RAB31: variants seen among roughly 807,000 people sequenced by gnomAD.
RAB31 encodes the protein RAB31, member RAS oncogene family, also known as ras-related protein Rab-31.
Under a neutral mutation model 25.6 loss-of-function variants are expected in RAB31, and 21 were observed. That is an observed-to-expected ratio of 0.82 (90% CI 0.58 to 1.18). RAB31 has a LOEUF of 1.18. Among genes scored for constraint, RAB31 ranks in the 50% most tolerant of loss-of-function variants. The pLI, the probability that RAB31 is intolerant of heterozygous loss-of-function variation, is 0.00. For synonymous variants in RAB31, 87 were observed against 84.0 expected (o/e 1.04, Z -0.20); for missense variants, 196 against 250.1 (o/e 0.78, Z 1.46).
intron 5 of RAB31, among the ~76,000 whole-genome samples, chr18:9,844,285 T>C (rs925531658): frequency 1.2e-4 from 18 of 152,274 alleles, no homozygotes; most frequent in African/African-American, 4.3e-4. Context: ...GCCCGTGTCA[T>C]TCATTTGCAA....
chr18:9,738,262 G>A (rs183250749), intron 1 of RAB31, among the ~76,000 whole-genome samples: 10 of 152,316 alleles, frequency 6.6e-5, no homozygotes, highest in Admixed American at 5.2e-4. Context: ...AATCTCTGGA[G>A]CAAAGAGTAT....
At chr18:9,724,359 T>C (rs912546385) in intron 1 of RAB31, among the ~76,000 whole-genome samples, 23 of 151,886 alleles carry the variant, frequency 1.5e-4, no homozygotes, top group African/African-American at 5.3e-4. Flanking sequence ...CTACTGTTAA[T>C]GAGAATTGCA....
chr18:9,777,124 A>C (rs899842814), intron 2 of RAB31, among the ~76,000 whole-genome samples: 10 of 152,006 alleles, frequency 6.6e-5, no homozygotes, highest in African/African-American at 2.2e-4. Context: ...GGCAGATCAC[A>C]TGAGGTCAGG....
rs575079376 is a variant in RAB31, at chr18:9,768,881, A to G, written c.40-6397A>G. ...TGAGTTAACTTTTGTATAAGGTGTA[A>G]GGAAGGGGTCCAGTTTCAGTTTTCT... On this transcript the variant is annotated intron_variant, in intron 1 of 6. Transcript: ENST00000578921. Among the ~76,000 whole-genome samples, 9 of 152,314 alleles carry G rather than the reference A, an allele frequency of 5.9e-5. No individual in the cohort carries two copies. The East Asian group carries it at 1.7e-3, about 29-fold the overall frequency.
chr18:9,723,579 T>C (rs1457771101), intron 1 of RAB31: 1 of 152,172 alleles, frequency 6.6e-6, no homozygotes, highest in Non-Finnish European at 1.5e-5. Context: ...CTGGGTAATA[T>C]ATAAAGAAAT....
intron 1 of RAB31, among the ~76,000 whole-genome samples, chr18:9,718,400 C>G (rs766716936): frequency 1.3e-5 from 2 of 152,078 alleles, no homozygotes; most frequent in Non-Finnish European, 2.9e-5. Context: ...GCTGGGATTA[C>G]AGGCATGCGC....
At chr18:9,733,566 G>T (rs745373112) in intron 1 of RAB31, among the ~76,000 whole-genome samples, 1 of 152,170 alleles carries the variant, frequency 6.6e-6, no homozygotes, top group African/African-American at 2.4e-5. Flanking sequence ...ATTCTCATTC[G>T]TATTCTGTGC....
chr18:9,823,053 T>G (rs779153286), intron 5 of RAB31, among the ~76,000 whole-genome samples: 1 of 152,170 alleles, frequency 6.6e-6, no homozygotes, highest in Non-Finnish European at 1.5e-5. Flanking sequence ...CTGTGGTGCA[T>G]CCATACCATG....
chr18:9,746,508 T>A (rs1353272718), intron 1 of RAB31, among the ~76,000 whole-genome samples: 1 of 145,228 alleles, frequency 6.9e-6, no homozygotes, highest in Non-Finnish European at 1.5e-5. Context: ...ACTTCCTGAT[T>A]TCAAAACTTA....
intron 2 of RAB31, among the ~76,000 whole-genome samples, chr18:9,789,177 A>T (rs1235084122): frequency 1.1e-4 from 16 of 152,228 alleles, no homozygotes; most frequent in Admixed American, 1.0e-3. Flanking sequence ...AGAGCTGAAA[A>T]AAAAGAGCTC....
chr18:9,790,475 A>T (rs1451139017), intron 2 of RAB31, among the ~76,000 whole-genome samples: 1 of 152,016 alleles, frequency 6.6e-6, no homozygotes, highest in Non-Finnish European at 1.5e-5. Context: ...GCCTCAAGCC[A>T]TCCTCCTGCT....
intron 2 of RAB31, among the ~76,000 whole-genome samples, chr18:9,791,268 T>C (rs2068458128): frequency 6.6e-6 from 1 of 152,064 alleles, no homozygotes; most frequent in Non-Finnish European, 1.5e-5. Flanking sequence ...CATGCCAACA[T>C]ACCAGCTGCT....
chr18:9,724,296 AAAC>A lies in RAB31; in HGVS notation c.39+15854_39+15856del, dbSNP rs1350466167. ...AAAAAAAAAAAAAAAAACAAAAAAA[AAAC>A]ATTATTATTGAAATGATACTTCACA... On this transcript the variant is annotated intron_variant, in intron 1 of 6. Coordinates refer to ENST00000578921, the MANE Select transcript of RAB31 (RefSeq NM_006868.4). Among the ~76,000 whole-genome samples the A allele has an allele frequency of 2.2e-3, 324 of 147,980 alleles. 4 individuals are homozygous for A. The highest frequency in any genetic ancestry group is 7.1e-3 in the African/African-American group (273 of 38,414).
Position 9,781,114 on chromosome 18 carries a change from T to C in RAB31, c.119+5757T>C, listed in dbSNP as rs1170916244. 1.1e-4 allele frequency among the ~76,000 whole-genome samples: 16 copies of C among 152,220 alleles called. No individual in the cohort carries two copies. The East Asian group carries it at 2.9e-3, about 28-fold the overall frequency. On this transcript the variant is annotated intron_variant, in intron 2 of 6. Transcript: ENST00000578921. Reference sequence around the variant, plus strand: ...AAGGCTCTCAATGGATATTACCAAATTGTTTTTCGGAAAGGTTATCTCTGT... The same window carrying C: ...AAGGCTCTCAATGGATATTACCAAACTGTTTTTCGGAAAGGTTATCTCTGT...
chr18:9,725,764 C>G (rs1210739455), intron 1 of RAB31, among the ~76,000 whole-genome samples: 1 of 152,120 alleles, frequency 6.6e-6, no homozygotes, highest in Admixed American at 6.5e-5. Context: ...ATGTTAGGGT[C>G]CTGGTCAGGT....
intron 5 of RAB31, chr18:9,830,737 A>T (rs1051580476): frequency 4.6e-5 from 7 of 152,158 alleles, no homozygotes; most frequent in African/African-American, 1.7e-4. Context: ...AAGAAATCTT[A>T]TTTTAAAAAT....
intron 1 of RAB31, among the ~76,000 whole-genome samples, chr18:9,727,867 G>T (rs923538684): frequency 4.6e-5 from 7 of 152,152 alleles, no homozygotes; most frequent in Non-Finnish European, 5.9e-5. Flanking sequence ...ATTATGAAAT[G>T]ATTACCACAG....
chr18:9,729,619 G>A (rs1352503046), intron 1 of RAB31, among the ~76,000 whole-genome samples: 1 of 152,006 alleles, frequency 6.6e-6, no homozygotes, highest in Admixed American at 6.6e-5. Flanking sequence ...TGGATTTTGG[G>A]ATAAAGAACC....
intron 4 of RAB31, 115 bp downstream of exon 4, chr18:9,814,206 G>A: frequency 1.4e-6 from 1 of 691,546 alleles, no homozygotes; most frequent in Non-Finnish European, 2.5e-6. Flanking sequence ...ACTATATATT[G>A]AGTTTATTTC....
Sources: allele counts gnomAD v4.1 joint callset (sites outside exome capture counted in the v4.1 genomes callset), GRCh38; gene constraint gnomAD v4.1.1; transcripts MANE v1.5; gene names NCBI Gene and HGNC (gene_info 2026-07-23, HGNC 2026-07-21).